STS: variants seen among roughly 807,000 people sequenced by gnomAD.
STS encodes the protein steroid sulfatase.
STS carries 7 observed loss-of-function variants against 26.8 expected under a neutral mutation model. The observed-to-expected ratio is 0.26, with a 90% CI of 0.15 to 0.49. The LOEUF is 0.49. STS is among the 20% of genes least tolerant of loss of function. The probability of loss-of-function intolerance (pLI) is 0.98; values close to 1 mark genes in which losing one functional copy is unlikely to be tolerated. For synonymous variants in STS, 199 were observed against 189.4 expected (o/e 1.05, Z -0.42); for missense variants, 434 against 465.6 (o/e 0.93, Z 0.63).
chrX:7,191,003 C>A lies in STS; in HGVS notation c.-10C>A, dbSNP rs1415845853. The A allele has an allele frequency of 1.3e-6, 1 of 751,185 alleles. No homozygotes were observed. The highest frequency in any genetic ancestry group is 8.9e-5 in the Admixed American group (1 of 11,297). The allele number at this position is 751,185 out of a possible 1,213,427, so 61.9% of individuals were successfully genotyped here. ...TGGCGCAAGATCGTCTTCAGCTGTT[C>A]ATAGCGTAAGTATGAGAGGTGCATA... On this transcript the variant is annotated 5_prime_UTR_variant, in exon 2 of 11. Coordinates refer to ENST00000674429, the MANE Select transcript of STS (RefSeq NM_001320752.2).
intron 1 of STS, among the ~76,000 whole-genome samples, chrX:7,155,447 T>C (rs1431682286): frequency 8.9e-6 from 1 of 111,841 alleles, no homozygotes; most frequent in Admixed American, 9.5e-5. Context: ...GAATCTTAGG[T>C]ACCTCAAATA....
intron 3 of STS, among the ~76,000 whole-genome samples, chrX:7,255,041 A>T (rs764547125): frequency 8.9e-6 from 1 of 112,604 alleles, no homozygotes; most frequent in South Asian, 3.6e-4. Context: ...ATCATTGCAT[A>T]TCAGACCAAA....
chrX:7,190,029 C>G (rs1156742844), intron 1 of STS, among the ~76,000 whole-genome samples: 1 of 110,783 alleles, frequency 9.0e-6, no homozygotes, highest in African/African-American at 3.3e-5. Context: ...TTGTGGAAGA[C>G]AGTTTTTGCA....
chrX:7,243,375 C>T (rs766382391), intron 2 of STS, among the ~76,000 whole-genome samples: 5 of 112,017 alleles, frequency 4.5e-5, no homozygotes, highest in Non-Finnish European at 7.5e-5. Context: ...ATTTTGGAAA[C>T]CTTTTATCGC....
chrX:7,262,126 A>G (rs112895216), intron 6 of STS, among the ~76,000 whole-genome samples: 5 of 111,985 alleles, frequency 4.5e-5, no homozygotes, highest in Non-Finnish European at 7.5e-5. Context: ...TTAACATCCA[A>G]CTTCTGCTGC....
intron 2 of STS, among the ~76,000 whole-genome samples, chrX:7,198,957 A>G (rs1238795865): frequency 4.5e-5 from 5 of 111,132 alleles, no homozygotes; most frequent in Non-Finnish European, 5.7e-5. Context: ...ACTAAGGTCC[A>G]TGAATTTCCT....
At chrX:7,205,131 T>C (rs1934181909) in intron 2 of STS, among the ~76,000 whole-genome samples, 1 of 111,737 alleles carries the variant, frequency 8.9e-6, no homozygotes, top group South Asian at 3.7e-4. Flanking sequence ...GTTAGTAAAA[T>C]AGACTTTTGG....
intron 1 of STS, 94 bp downstream of exon 1, chrX:7,148,177 G>T: frequency 2.5e-6 from 2 of 810,245 alleles, no homozygotes; most frequent in Non-Finnish European, 3.4e-6. Context: ...CCCGCCCCGC[G>T]CACGCGCACT....
chrX:7,332,896 A>G (rs892441209), intron 9 of STS, among the ~76,000 whole-genome samples: 1 of 112,117 alleles, frequency 8.9e-6, no homozygotes, highest in Middle Eastern at 4.2e-3. Context: ...ATGATAATAG[A>G]ATATTTTCAG....
At chrX:7,263,328 C>T (rs1215844789) in intron 6 of STS, among the ~76,000 whole-genome samples, 5 of 112,417 alleles carry the variant, frequency 4.4e-5, no homozygotes, top group African/African-American at 1.3e-4. Flanking sequence ...CTCGGCCTCT[C>T]GAAGTACTGG....
chrX:7,192,939 C>A (rs1439642068), intron 2 of STS, among the ~76,000 whole-genome samples: 2 of 112,717 alleles, frequency 1.8e-5, no homozygotes, highest in Non-Finnish European at 3.7e-5. Flanking sequence ...GGGCGACAAA[C>A]CCTGCTCACT....
intron 2 of STS, among the ~76,000 whole-genome samples, chrX:7,240,525 G>A (rs1318137010): frequency 0.019 from 627 of 32,500 alleles, 15 homozygotes; most frequent in African/African-American, 0.051. Flanking sequence ...GTGTGTGTGT[G>A]TGTGTGTGTA....
chrX:7,234,726 C>G (rs1922232056), intron 2 of STS, among the ~76,000 whole-genome samples: 1 of 111,982 alleles, frequency 8.9e-6, no homozygotes, highest in South Asian at 3.7e-4. Context: ...TAAAGACTAT[C>G]CTCATCCTCA....
chrX:7,345,559 C>CT (rs1157630082), intron 10 of STS, among the ~76,000 whole-genome samples: 2 of 110,903 alleles, frequency 1.8e-5, no homozygotes, highest in African/African-American at 6.6e-5. Context: ...TTTCTTCAGA[C>CT]CCCCAGTAAA....
intron 7 of STS, among the ~76,000 whole-genome samples, chrX:7,289,837 TAG>T (rs1166940593): frequency 2.7e-5 from 3 of 111,348 alleles, no homozygotes; most frequent in African/African-American, 9.8e-5. Flanking sequence ...ATGTATTTTG[TAG>T]AGACAGGGTT....
intron 1 of STS, among the ~76,000 whole-genome samples, chrX:7,167,503 A>G (rs1601625031): frequency 8.9e-6 from 1 of 111,983 alleles, no homozygotes; most frequent in Non-Finnish European, 1.9e-5. Context: ...TGTGTGAGCC[A>G]CCGCGCCCAG....
chrX:7,310,799 C>T (rs1926439361), intron 8 of STS, among the ~76,000 whole-genome samples: 1 of 111,433 alleles, frequency 9.0e-6, no homozygotes. Context: ...TGACATCCAA[C>T]TGCAGGGCAT....
At chrX:7,305,626 G>T (rs1337609474) in intron 8 of STS, among the ~76,000 whole-genome samples, 2 of 111,765 alleles carry the variant, frequency 1.8e-5, no homozygotes, top group African/African-American at 6.5e-5. Flanking sequence ...CAAGCTCTTG[G>T]GGGGAATCTG....
intron 2 of STS, among the ~76,000 whole-genome samples, chrX:7,243,951 C>A (rs1028840484): frequency 1.8e-5 from 2 of 111,588 alleles, no homozygotes; most frequent in Admixed American, 9.5e-5. Flanking sequence ...CACCTGTAAT[C>A]CCAGCTAATC....
Sources: allele counts gnomAD v4.1 joint callset (sites outside exome capture counted in the v4.1 genomes callset), GRCh38; gene constraint gnomAD v4.1.1; transcripts MANE v1.5; gene names NCBI Gene and HGNC (gene_info 2026-07-23, HGNC 2026-07-21).